The following C13orf42 variants were observed in gnomAD, a reference collection of about 807,000 sequenced individuals.
C13orf42 encodes the protein chromosome 13 open reading frame 42, also known as uncharacterized protein C13orf42.
Position 51,153,621 on chromosome 13 carries a change from G to GTTTTTTTTTTTTTT in C13orf42, n.136+18631_136+18632insAAAAAAAAAAAAAA, listed in dbSNP as rs1202370498. On this transcript the variant is annotated intron_variant and non_coding_transcript_variant, in intron 1 of 4. Coordinates refer to the C13orf42 transcript ENST00000433280. ...TTATCAACCCATTTTCTTGCTTTCT[G>GTTTTTTTTTTTTTT]TTTTTTTTCTTTTTTTTTTTTTTTT... Among the ~76,000 whole-genome samples, 134 of 82,002 alleles carry GTTTTTTTTTTTTTT rather than the reference G, an allele frequency of 1.6e-3. 9 individuals carry two copies. The highest frequency in any genetic ancestry group is 7.1e-3 in the East Asian group (21 of 2,940). 53.8% of individuals were successfully genotyped at this position (82,002 alleles called of 152,430 possible).
At chr13:51,086,513 A>AGTGT (rs138993415) in intron 2 of C13orf42, among the ~76,000 whole-genome samples, 2 of 150,434 alleles carry the variant, frequency 1.3e-5, no homozygotes, top group African/African-American at 4.9e-5. Flanking sequence ...TGAGAGAGAG[A>AGTGT]GTGTGTGTGT....
chr13:51,087,184 G>C (rs1018795629), intron 2 of C13orf42, among the ~76,000 whole-genome samples: 1 of 152,144 alleles, frequency 6.6e-6, no homozygotes, highest in African/African-American at 2.4e-5. Context: ...GAATGTGTTT[G>C]GATTCTTTGC....
At chr13:51,161,213 T>C (rs1936215386) in intron 1 of C13orf42, among the ~76,000 whole-genome samples, 1 of 150,294 alleles carries the variant, frequency 6.7e-6, no homozygotes, top group Non-Finnish European at 1.5e-5. Flanking sequence ...CCCTAAATCA[T>C]AATTTTATTG....
At chr13:51,086,619 C>T (rs1013474180) in intron 2 of C13orf42, among the ~76,000 whole-genome samples, 2 of 152,036 alleles carry the variant, frequency 1.3e-5, no homozygotes, top group African/African-American at 4.8e-5. Context: ...TTTTTACTTT[C>T]TTCTTTATGC....
chr13:51,157,286 T>C (rs1953831402), intron 1 of C13orf42, among the ~76,000 whole-genome samples: 1 of 151,994 alleles, frequency 6.6e-6, no homozygotes, highest in African/African-American at 2.4e-5. Flanking sequence ...ATACAAAAAT[T>C]AGCTGAGCGC....
At chr13:51,164,709 T>C (rs4942968) in intron 1 of C13orf42, among the ~76,000 whole-genome samples, 41,209 of 152,062 alleles carry the variant, frequency 0.27, 5,777 homozygotes, top group Admixed American at 0.34. Context: ...TTGAAAACCA[T>C]GAAATTATTT....
intron 1 of C13orf42, among the ~76,000 whole-genome samples, chr13:51,123,631 G>A (rs1326699673): frequency 1.3e-5 from 2 of 152,082 alleles, no homozygotes; most frequent in Admixed American, 6.6e-5. Flanking sequence ...GCTCACATGG[G>A]GCAGGAATAA....
intron 1 of C13orf42, among the ~76,000 whole-genome samples, chr13:51,118,064 G>A (rs1241715788): frequency 6.6e-6 from 1 of 152,164 alleles, no homozygotes; most frequent in Non-Finnish European, 1.5e-5. Context: ...AGCTGCATGG[G>A]GAGCTAAGAA....
upstream of C13orf42, among the ~76,000 whole-genome samples, chr13:51,115,606 C>T (rs1400591772): frequency 6.6e-6 from 1 of 152,092 alleles, no homozygotes; most frequent in African/African-American, 2.4e-5. Context: ...GAAATCCCCT[C>T]GACCACTCCC....
intron 1 of C13orf42, among the ~76,000 whole-genome samples, chr13:51,144,008 G>T (rs916599270): frequency 6.6e-6 from 1 of 152,080 alleles, no homozygotes; most frequent in African/African-American, 2.4e-5. Flanking sequence ...TGCCATGGAG[G>T]TAACTAATTT....
chr13:51,125,735 G>T (rs1953571820), intron 1 of C13orf42, among the ~76,000 whole-genome samples: 1 of 152,126 alleles, frequency 6.6e-6, no homozygotes, highest in African/African-American at 2.4e-5. Flanking sequence ...ATATTTGCTG[G>T]GAGCTACTCT....
At chr13:51,109,569 C>A (rs1321101844) in intron 1 of C13orf42, among the ~76,000 whole-genome samples, 1 of 151,516 alleles carries the variant, frequency 6.6e-6, no homozygotes, top group African/African-American at 2.4e-5. Context: ...AGCAACAAAG[C>A]AAGACTCCCA....
intron 1 of C13orf42, among the ~76,000 whole-genome samples, chr13:51,169,429 C>T (rs1953928034): frequency 6.6e-6 from 1 of 152,156 alleles, no homozygotes. Flanking sequence ...AAAGAAAAAC[C>T]CATTTTCTGT....
chr13:51,166,146 T>TA (rs2138052820), intron 1 of C13orf42, among the ~76,000 whole-genome samples: 1 of 152,312 alleles, frequency 6.6e-6, no homozygotes, highest in South Asian at 2.1e-4. Context: ...TTAATGAACT[T>TA]ACTTTCTGGT....
At chr13:51,087,527 C>T (rs1420948738) in intron 2 of C13orf42, among the ~76,000 whole-genome samples, 1 of 152,126 alleles carries the variant, frequency 6.6e-6, no homozygotes, top group Admixed American at 6.5e-5. Flanking sequence ...TTTTTCATCT[C>T]AAAAAACTGA....
At chr13:51,129,362 GA>G (rs1332008163) in intron 1 of C13orf42, among the ~76,000 whole-genome samples, 3 of 152,188 alleles carry the variant, frequency 2.0e-5, no homozygotes, top group Non-Finnish European at 4.4e-5. Context: ...GCCGGTGACA[GA>G]ATTAGGCATG....
rs1419953470 is a variant in C13orf42 at position 51,082,161 on chromosome 13, T to A, written c.*1990A>T. On this transcript the variant is annotated 3_prime_UTR_variant, in exon 4 of 4. Transcript: ENST00000563710. Reference sequence around the variant, plus strand: ...CTTTTATTGTTTCAGATTTCATTTATCTCAAACCCCACCAGACACCATCTC... The same window carrying A: ...CTTTTATTGTTTCAGATTTCATTTAACTCAAACCCCACCAGACACCATCTC... 6.6e-6 allele frequency: 1 copy of A among 152,232 alleles called. No homozygotes were observed. The highest frequency in any genetic ancestry group is 2.4e-5 in the African/African-American group (1 of 41,464). 9.4% of individuals were successfully genotyped at this position (152,232 alleles called of 1,614,324 possible).
chr13:51,167,379 G>C (rs983766159), intron 1 of C13orf42, among the ~76,000 whole-genome samples: 1 of 152,160 alleles, frequency 6.6e-6, no homozygotes, highest in African/African-American at 2.4e-5. Flanking sequence ...GGGATTTCTA[G>C]AAGAAAGCAC....
chr13:51,156,196 G>C (rs1340115004), intron 1 of C13orf42, among the ~76,000 whole-genome samples: 1 of 152,170 alleles, frequency 6.6e-6, no homozygotes, highest in Non-Finnish European at 1.5e-5. Context: ...TTAACCCATA[G>C]GAGGGAGGTA....
Sources: allele counts gnomAD v4.1 joint callset (sites outside exome capture counted in the v4.1 genomes callset), GRCh38; gene constraint gnomAD v4.1.1; transcripts MANE v1.5; gene names NCBI Gene and HGNC (gene_info 2026-07-23, HGNC 2026-07-21).